The following ARPC4 variants were observed in gnomAD, a reference collection of about 807,000 sequenced individuals.
The protein encoded by ARPC4 is actin-related protein 2/3 complex subunit 4.
Under a neutral mutation model 22.8 loss-of-function variants are expected in ARPC4, and 3 were observed. The observed-to-expected ratio is 0.13, with a 90% CI of 0.06 to 0.34. The LOEUF is 0.34. Among genes scored for constraint, ARPC4 ranks in the 10% least tolerant of loss-of-function variants. The probability of loss-of-function intolerance (pLI) is 1.00; values close to 1 mark genes in which losing one functional copy is unlikely to be tolerated. For synonymous variants in ARPC4, 80 were observed against 72.5 expected, an observed-to-expected ratio of 1.10 and a Z score of -0.52; for missense variants, 98 against 211.0, an observed-to-expected ratio of 0.46 and a Z score of 3.32.
chr3:9,797,262 A>G (rs958085882), intron 1 of ARPC4, among the ~76,000 whole-genome samples: 2 of 152,170 alleles, frequency 1.3e-5, no homozygotes, highest in Non-Finnish European at 2.9e-5. Flanking sequence ...CAACCTTAGC[A>G]CTATTGATAT....
rs561963656 is a variant in ARPC4, at chr3:9,805,043, A to C, written c.501+1030A>C. Among the ~76,000 whole-genome samples the C allele has an allele frequency of 7.2e-5, 11 of 152,318 alleles. No individual in the cohort carries two copies. In the East Asian group the frequency reaches 2.1e-3, roughly 29 times the overall value. ...TGAGACCATGTGTGTAAAACGTAGC[A>C]CCTGGTACATAGTAAGCTTTCCGTG... On this transcript the variant is annotated intron_variant, in intron 5 of 5. Coordinates refer to ENST00000397261, the MANE Select transcript of ARPC4 (RefSeq NM_005718.5).
chr3:9,804,722 G>T (rs891379313), intron 5 of ARPC4, among the ~76,000 whole-genome samples: 1 of 152,128 alleles, frequency 6.6e-6, no homozygotes, highest in Non-Finnish European at 1.5e-5. Context: ...ACTCCCACCA[G>T]TAAGTACATA....
At chr3:9,798,457 C>T (rs1021475081) in intron 2 of ARPC4, among the ~76,000 whole-genome samples, 8 of 152,050 alleles carry the variant, frequency 5.3e-5, no homozygotes, top group African/African-American at 1.9e-4. Flanking sequence ...CATGGTGGCA[C>T]ATGCCTGTAG....
intron 1 of ARPC4, among the ~76,000 whole-genome samples, chr3:9,794,998 A>C (rs1227138576): frequency 6.6e-6 from 1 of 151,896 alleles, no homozygotes; most frequent in Non-Finnish European, 1.5e-5. Flanking sequence ...GTTCGTTGGA[A>C]GTGGTTTTTC....
At chr3:9,803,590 T>C (rs761639025) in intron 4 of ARPC4, 3 of 635,352 alleles carry the variant, frequency 4.7e-6, no homozygotes, top group South Asian at 4.4e-5. Context: ...GCAGAGCTGT[T>C]GTGCCACAGA....
chr3:9,806,145 C>CT, intron 5 of ARPC4, 65 bp from the exon 6 acceptor site: 4 of 1,586,352 alleles, frequency 2.5e-6, no homozygotes, highest in Non-Finnish European at 3.5e-6. Flanking sequence ...CATGCACCTC[C>CT]TTAGAGCAGT....
chr3:9,796,405 A>T (rs563408033), intron 1 of ARPC4, among the ~76,000 whole-genome samples: 1 of 152,314 alleles, frequency 6.6e-6, no homozygotes, highest in African/African-American at 2.4e-5. Context: ...AAAAATAAAT[A>T]TTAAGAAGAC....
At chr3:9,796,226 T>C (rs1457801678) in intron 1 of ARPC4, among the ~76,000 whole-genome samples, 1 of 152,150 alleles carries the variant, frequency 6.6e-6, no homozygotes, top group Non-Finnish European at 1.5e-5. Context: ...AAACTCCGTC[T>C]CTACTAAAAA....
At chr3:9,800,320 C>T in intron 3 of ARPC4, 24 bp downstream of exon 3, 1 of 1,607,748 alleles carries the variant, frequency 6.2e-7, no homozygotes, top group South Asian at 1.1e-5. Flanking sequence ...GGAGGAGGCC[C>T]AACGTAAGGC....
At chr3:9,799,509 C>A (rs1270485667) in intron 2 of ARPC4, among the ~76,000 whole-genome samples, 1 of 150,742 alleles carries the variant, frequency 6.6e-6, no homozygotes, top group East Asian at 1.9e-4. Context: ...GTGGTATGAT[C>A]TTGGCTCACT....
intron 2 of ARPC4, among the ~76,000 whole-genome samples, chr3:9,799,553 G>C (rs995072835): frequency 1.3e-5 from 2 of 151,518 alleles, no homozygotes; most frequent in East Asian, 1.9e-4. Context: ...AGCAATTCTC[G>C]TGCTTCAGCC....
intron 4 of ARPC4, chr3:9,803,470 C>T: frequency 2.2e-6 from 1 of 462,550 alleles, no homozygotes; most frequent in South Asian, 1.5e-5. Flanking sequence ...AGAAAAAGAC[C>T]CTTAATCCCA....
upstream of ARPC4, chr3:9,793,076 C>A: frequency 6.5e-7 from 1 of 1,545,662 alleles, no homozygotes. Context: ...CATCGCGGGG[C>A]TGGCCACTTC....
intron 4 of ARPC4, among the ~76,000 whole-genome samples, chr3:9,803,332 C>G (rs893779492): frequency 4.6e-5 from 7 of 152,224 alleles, no homozygotes; most frequent in Non-Finnish European, 8.8e-5. Context: ...GTGCCATCAT[C>G]AGACACGTCA....
chr3:9,793,253 G>A, intron 1 of ARPC4, 129 bp downstream of exon 1: 1 of 1,431,000 alleles, frequency 7.0e-7, no homozygotes, highest in Admixed American at 2.7e-5. Context: ...GGGACACGAT[G>A]AGGGTGGGAA....
Position 9,793,136 on chromosome 3 carries a change from G to C in ARPC4, c.3+12G>C. On this transcript the variant is annotated intron_variant, in intron 1 of 5. Transcript: ENST00000397261. ...CAGCGCCCGCGATGGTGAGAGAGCCGGGCCCCCGGCCAGGGACCCCCGGCT... is the reference window on the plus strand; with the variant it reads ...CAGCGCCCGCGATGGTGAGAGAGCCCGGCCCCCGGCCAGGGACCCCCGGCT... The C allele has an allele frequency of 6.5e-7, 1 of 1,542,060 alleles. No homozygotes were observed. The highest frequency in any genetic ancestry group is 8.8e-7 in the Non-Finnish European group (1 of 1,142,520).
At chr3:9,803,401 C>T in intron 4 of ARPC4, 2 of 422,978 alleles carry the variant, frequency 4.7e-6, no homozygotes, top group South Asian at 3.5e-5. Context: ...GGTCCTAGAT[C>T]TAACCTCTGG....
upstream of ARPC4, chr3:9,792,905 G>T: frequency 7.2e-7 from 1 of 1,398,470 alleles, no homozygotes; most frequent in Admixed American, 3.3e-5. Context: ...CTTAAATAGT[G>T]ACTCGAGTGC....
intron 1 of ARPC4, 137 bp downstream of exon 1, chr3:9,793,261 G>C: frequency 3.0e-6 from 4 of 1,316,118 alleles, no homozygotes; most frequent in African/African-American, 1.5e-5. Context: ...ATGAGGGTGG[G>C]AAAAAGAGAC....
Sources: gnomAD v4.1 joint callset for allele counts (sites outside exome capture counted in the v4.1 genomes callset) on GRCh38, gnomAD v4.1.1 for gene constraint, MANE v1.5 for transcripts, NCBI Gene and HGNC (gene_info 2026-07-23, HGNC 2026-07-21) for gene names.